Variants in FUT8 observed in about 807,000 individuals in gnomAD.
FUT8 encodes fucosyltransferase 8.
A neutral mutation model predicts 71.3 loss-of-function variants in FUT8; 29 were observed. That is an observed-to-expected ratio of 0.41 (90% CI 0.30 to 0.55). The LOEUF is 0.55. Among genes scored for constraint, FUT8 ranks in the 20% least tolerant of loss-of-function variants. The probability of loss-of-function intolerance (pLI) is 0.34; values close to 1 mark genes in which losing one functional copy is unlikely to be tolerated. For synonymous variants in FUT8, 254 were observed against 239.3 expected (o/e 1.06, Z -0.57); for missense variants, 544 against 702.1 (o/e 0.77, Z 2.55).
intron 2 of FUT8, among the ~76,000 whole-genome samples, chr14:65,497,689 TAAATATTA>T (rs1187746845): frequency 1.3e-5 from 2 of 151,988 alleles, no homozygotes; most frequent in African/African-American, 2.4e-5. Context: ...TAATGTTTAG[TAAATATTA>T]AAATATTAAA....
At chr14:65,363,276 C>A in the FUT8 span, among the ~76,000 whole-genome samples, 1 of 151,064 alleles carries the variant, frequency 6.6e-6, no homozygotes, top group African/African-American at 2.4e-5. Context: ...TGCCCGCCAC[C>A]AAGCCTGGCT....
chr14:65,455,467 A>G (rs1481386194), intron 1 of FUT8, among the ~76,000 whole-genome samples, 154 bp from the exon 2 acceptor site: 1 of 152,208 alleles, frequency 6.6e-6, no homozygotes, highest in Non-Finnish European at 1.5e-5. Flanking sequence ...ACATTTGGAA[A>G]GTGCTTACAG....
chr14:65,740,037 C>T (rs570949735), intron 10 of FUT8, among the ~76,000 whole-genome samples: 2 of 152,122 alleles, frequency 1.3e-5, no homozygotes, highest in East Asian at 3.9e-4. Context: ...TTAGTTTCTT[C>T]TTTTCCTGAG....
At chr14:65,479,540 TCCTC>T (rs1192831732) in intron 2 of FUT8, among the ~76,000 whole-genome samples, 1 of 152,054 alleles carries the variant, frequency 6.6e-6, no homozygotes, top group East Asian at 1.9e-4. Context: ...CTGCATTTCT[TCCTC>T]CCTCCTTCCC....
At chr14:65,581,776 C>G (rs1246535555) in intron 3 of FUT8, among the ~76,000 whole-genome samples, 1 of 151,986 alleles carries the variant, frequency 6.6e-6, no homozygotes, top group Non-Finnish European at 1.5e-5. Flanking sequence ...GGATGTCAAC[C>G]ATTTTTACCT....
At chr14:65,521,292 T>G (rs1440783592) in intron 2 of FUT8, among the ~76,000 whole-genome samples, 1 of 152,170 alleles carries the variant, frequency 6.6e-6, no homozygotes, top group Non-Finnish European at 1.5e-5. Flanking sequence ...CATTTATAAT[T>G]GATATTTTAA....
intron 5 of FUT8, among the ~76,000 whole-genome samples, chr14:65,624,186 C>A (rs369746940): frequency 1.3e-5 from 2 of 151,906 alleles, no homozygotes; most frequent in Non-Finnish European, 2.9e-5. Flanking sequence ...GGCCGAGAAA[C>A]AAAAGATTTT....
chr14:65,431,171 T>G (rs988143564), intron 1 of FUT8, among the ~76,000 whole-genome samples: 1 of 147,866 alleles, frequency 6.8e-6, no homozygotes, highest in Non-Finnish European at 1.5e-5. Flanking sequence ...AATTTTTTTT[T>G]TTTTTTTTAA....
At chr14:65,699,868 T>C (rs764459927) in intron 7 of FUT8, among the ~76,000 whole-genome samples, 16 of 152,220 alleles carry the variant, frequency 1.1e-4, no homozygotes, top group Admixed American at 7.9e-4. Context: ...ACGTTCCATG[T>C]AGTACTAACT....
chr14:65,599,800 T>G (rs1888202448), intron 3 of FUT8, among the ~76,000 whole-genome samples: 1 of 152,232 alleles, frequency 6.6e-6, no homozygotes, highest in South Asian at 2.1e-4. Flanking sequence ...GTCTTTCCAT[T>G]TCTTAATAAA....
At chr14:65,435,588 G>T (rs1381406107) in intron 1 of FUT8, among the ~76,000 whole-genome samples, 1 of 152,178 alleles carries the variant, frequency 6.6e-6, no homozygotes, top group African/African-American at 2.4e-5. Context: ...AGCTTTGTGT[G>T]TGATCATAAG....
At chr14:65,433,212 ATT>A (rs564355693) in intron 1 of FUT8, among the ~76,000 whole-genome samples, 1 of 151,092 alleles carries the variant, frequency 6.6e-6, no homozygotes, top group Admixed American at 6.6e-5. Context: ...TTTCTGTTTC[ATT>A]TTTTTTTGAT....
intron 5 of FUT8, among the ~76,000 whole-genome samples, chr14:65,628,972 A>C (rs1890033718): frequency 6.6e-6 from 1 of 152,200 alleles, no homozygotes; most frequent in African/African-American, 2.4e-5. Flanking sequence ...TAAAATATTT[A>C]CTGTCTGGCC....
At position 65,561,379 on chromosome 14, in the gene FUT8, C is replaced by G; in HGVS notation, c.-185C>G. On this transcript the variant is annotated 5_prime_UTR_variant, in exon 3 of 11. Transcript: ENST00000673929. ...GTACAGGACAATAAAGCTTCCTACACATATCACCAGGAGGATCTCTTTGAA... is the reference window on the plus strand; with the variant it reads ...GTACAGGACAATAAAGCTTCCTACAGATATCACCAGGAGGATCTCTTTGAA... 1 of 609,412 alleles carries G rather than the reference C, an allele frequency of 1.6e-6. No homozygotes were observed. The highest frequency in any genetic ancestry group is 2.9e-6 in the Non-Finnish European group (1 of 342,328). The allele number at this position is 609,412 out of a possible 1,614,324, so 37.8% of individuals were successfully genotyped here.
chr14:65,724,350 G>T, intron 9 of FUT8, 27 bp downstream of exon 9: 1 of 1,428,384 alleles, frequency 7.0e-7, no homozygotes, highest in African/African-American at 1.4e-5. Flanking sequence ...AGTGATTCTA[G>T]AGTGGGGTTG....
intron 2 of FUT8, among the ~76,000 whole-genome samples, chr14:65,532,774 G>A (rs1290234821): frequency 6.6e-6 from 1 of 151,896 alleles, no homozygotes; most frequent in Non-Finnish European, 1.5e-5. Flanking sequence ...ATAGTTTTGG[G>A]TTTTAAGTCT....
At chr14:65,673,444 TGTG>T (rs757089140) in intron 7 of FUT8, among the ~76,000 whole-genome samples, 1 of 152,238 alleles carries the variant, frequency 6.6e-6, no homozygotes. Flanking sequence ...GTTGTGCTAA[TGTG>T]GTGGTATGGT....
chr14:65,705,615 G>T (rs1049543371), intron 7 of FUT8, among the ~76,000 whole-genome samples: 1 of 152,182 alleles, frequency 6.6e-6, no homozygotes, highest in Admixed American at 6.5e-5. Flanking sequence ...TATCCTAGAA[G>T]TCCAGATAGT....
intron 3 of FUT8, among the ~76,000 whole-genome samples, chr14:65,575,236 C>G (rs1886693194): frequency 6.6e-6 from 1 of 151,762 alleles, no homozygotes; most frequent in South Asian, 2.1e-4. Context: ...CCTTTCCTCT[C>G]TCTCCCTCCT....
Sources: allele counts gnomAD v4.1 joint callset (sites outside exome capture counted in the v4.1 genomes callset), GRCh38; gene constraint gnomAD v4.1.1; transcripts MANE v1.5; gene names NCBI Gene and HGNC (gene_info 2026-07-23, HGNC 2026-07-21).